Variants in RCL1 observed in about 807,000 individuals in gnomAD.
RCL1 encodes the protein RNA 3'-terminal phosphate cyclase-like protein.
A neutral mutation model predicts 42.4 loss-of-function variants in RCL1; 24 were observed. That is an observed-to-expected ratio of 0.57 (90% CI 0.41 to 0.80). RCL1 has a LOEUF of 0.80. Among genes scored for constraint, RCL1 ranks in the 30% least tolerant of loss-of-function variants. The pLI is 0.00. For missense variants in RCL1, 578 were observed against 467.9 expected, an observed-to-expected ratio of 1.24 and a Z score of -2.17; for synonymous variants, 228 against 177.3, an observed-to-expected ratio of 1.29 and a Z score of -2.27.
intron 5 of RCL1, among the ~76,000 whole-genome samples, chr9:4,835,904 TGA>T (rs1817112364): frequency 6.6e-6 from 1 of 152,048 alleles, no homozygotes; most frequent in Non-Finnish European, 1.5e-5. Flanking sequence ...TATTCTTACT[TGA>T]GAGGGGATGG....
intron 1 of RCL1, among the ~76,000 whole-genome samples, chr9:4,803,015 C>CT (rs763759057): frequency 0.031 from 4,422 of 142,008 alleles, 83 homozygotes; most frequent in African/African-American, 0.045. Flanking sequence ...TTCCTTTTTC[C>CT]TTTTTTTTTT....
Position 4,850,571 on chromosome 9 carries a change from CAG to C in RCL1, c.971+1026_971+1027del, listed in dbSNP as rs1321436673. On this transcript the variant is annotated intron_variant, in intron 8 of 8. Coordinates refer to ENST00000381750, the MANE Select transcript of RCL1 (RefSeq NM_005772.5). ...AATGGAAGAGAATACATTCTGTTAG[CAG>C]AGAGGGAAGACTGATAAGCAGGAAA... 2.2e-5 allele frequency among the ~76,000 whole-genome samples: 3 copies of C among 137,930 alleles called. No homozygotes were observed. In the East Asian group the frequency reaches 6.8e-4, roughly 31 times the overall value. 90.5% of individuals were successfully genotyped at this position (137,930 alleles called of 152,430 possible).
At chr9:4,798,951 G>T (rs1202226740) in intron 1 of RCL1, among the ~76,000 whole-genome samples, 5 of 150,150 alleles carry the variant, frequency 3.3e-5, no homozygotes, top group Non-Finnish European at 7.4e-5. Context: ...GTGTTGTTTG[G>T]AAGCTGTTGT....
intron 3 of RCL1, among the ~76,000 whole-genome samples, chr9:4,827,624 C>T (rs1167796496): frequency 6.6e-6 from 1 of 151,984 alleles, no homozygotes; most frequent in East Asian, 1.9e-4. Context: ...CCAGAGCAAG[C>T]TTTTTATTAA....
At chr9:4,825,190 A>G (rs147667423) in intron 2 of RCL1, among the ~76,000 whole-genome samples, 2 of 151,678 alleles carry the variant, frequency 1.3e-5, no homozygotes, top group Admixed American at 6.6e-5. Flanking sequence ...GCCCAAGTCT[A>G]TTCTTTTCTA....
intron 3 of RCL1, among the ~76,000 whole-genome samples, chr9:4,832,040 A>G (rs1816959546): frequency 6.6e-6 from 1 of 152,194 alleles, no homozygotes; most frequent in Admixed American, 6.5e-5. Context: ...GAAGGGAACA[A>G]GTAATGGAGT....
rs1240141836 is a variant in RCL1 at position 4,823,452 on chromosome 9, C to T, written c.137-96C>T. 6.4e-6 allele frequency: 6 copies of T among 931,848 alleles called. No individual in the cohort carries two copies. In the East Asian group the frequency reaches 1.2e-4, roughly 19 times the overall value. The allele number at this position is 931,848 out of a possible 1,614,324, so 57.7% of individuals were successfully genotyped here. A position where few individuals can be genotyped will look rare whatever the true frequency, so the allele number is the denominator to read the frequency against. ...GATGCAGGAAGTAACCTGCCCTCTA[C>T]CACAGTACCTGAATCAGGCATGTGC... On this transcript the variant is annotated intron_variant, in intron 1 of 8. Coordinates refer to ENST00000381750, the MANE Select transcript of RCL1 (RefSeq NM_005772.5).
intron 3 of RCL1, among the ~76,000 whole-genome samples, chr9:4,831,461 A>G (rs1047554827): frequency 1.3e-5 from 2 of 152,036 alleles, no homozygotes; most frequent in Non-Finnish European, 2.9e-5. Context: ...TGCATATATT[A>G]AGTTTTTGAG....
chr9:4,831,090 A>G (rs1285710375), intron 3 of RCL1, among the ~76,000 whole-genome samples: 1 of 152,178 alleles, frequency 6.6e-6, no homozygotes, highest in East Asian at 1.9e-4. Flanking sequence ...TCTAACAGCC[A>G]GTGAGAGGCA....
chr9:4,843,241 C>T (rs905386485), intron 6 of RCL1, among the ~76,000 whole-genome samples: 2 of 152,020 alleles, frequency 1.3e-5, no homozygotes, highest in African/African-American at 2.4e-5. Flanking sequence ...GTAAGTCAGG[C>T]TTGTTCAGAT....
At chr9:4,828,480 A>T (rs1470979337) in intron 3 of RCL1, among the ~76,000 whole-genome samples, 1 of 152,018 alleles carries the variant, frequency 6.6e-6, no homozygotes, top group African/African-American at 2.4e-5. Flanking sequence ...TGAGTATAGT[A>T]CAAGATCTGA....
chr9:4,801,108 T>C (rs934983939), intron 1 of RCL1, among the ~76,000 whole-genome samples: 10 of 152,236 alleles, frequency 6.6e-5, no homozygotes, highest in African/African-American at 2.4e-4. Context: ...TGACTAATGA[T>C]GTCTTAAGTG....
intron 1 of RCL1, among the ~76,000 whole-genome samples, chr9:4,814,900 G>A (rs74308880): frequency 0.05 from 7,369 of 148,472 alleles, 287 homozygotes; most frequent in African/African-American, 0.1. Flanking sequence ...TTTGGTTGAC[G>A]TTTTTTTTTT....
intron 8 of RCL1, among the ~76,000 whole-genome samples, chr9:4,857,034 A>G (rs1023740676): frequency 7.9e-5 from 12 of 152,222 alleles, no homozygotes; most frequent in Admixed American, 3.3e-4. Flanking sequence ...GAGAACCAGG[A>G]TCAGTTGTTT....
At chr9:4,834,060 T>G (rs1479953452) in intron 4 of RCL1, 81 bp from the exon 5 acceptor site, 4 of 1,496,642 alleles carry the variant, frequency 2.7e-6, no homozygotes, top group East Asian at 2.4e-5. Flanking sequence ...CATCTGCTGG[T>G]GTAAACCTTC....
At position 4,844,517 on chromosome 9, in the gene RCL1, A is replaced by G. The variant is rs746060826; in HGVS notation, c.711-8A>G. The G allele has an allele frequency of 1.6e-5, 26 of 1,605,002 alleles. No individual in the cohort carries two copies. Among genetic ancestry groups the G allele is most frequent in the African/African-American group, 4.0e-5 (3 of 74,474 alleles). On this transcript the variant is annotated splice_region_variant and splice_polypyrimidine_tract_variant and intron_variant, in intron 6 of 8. Coordinates refer to ENST00000381750, the MANE Select transcript of RCL1 (RefSeq NM_005772.5). ...ACCTACTCAGTGTTTGTGCCTTTGTATCTCCAGGTCTCCGGGCTTTGGGTT... is the reference window on the plus strand; with the variant it reads ...ACCTACTCAGTGTTTGTGCCTTTGTGTCTCCAGGTCTCCGGGCTTTGGGTT...
chr9:4,845,439 C>G (rs531469552), intron 7 of RCL1, among the ~76,000 whole-genome samples: 1 of 152,308 alleles, frequency 6.6e-6, no homozygotes, highest in Admixed American at 6.5e-5. Flanking sequence ...TTCATTGCAA[C>G]GGGCACATAT....
chr9:4,822,968 C>G (rs1371215610), intron 1 of RCL1, among the ~76,000 whole-genome samples: 1 of 151,838 alleles, frequency 6.6e-6, no homozygotes, highest in Non-Finnish European at 1.5e-5. Context: ...ATTCAAACAC[C>G]CTTTTAGTAA....
intron 7 of RCL1, among the ~76,000 whole-genome samples, chr9:4,848,987 C>T (rs940329104): frequency 6.6e-6 from 1 of 151,982 alleles, no homozygotes; most frequent in Non-Finnish European, 1.5e-5. Flanking sequence ...ATGAAAAGGC[C>T]GTTTCATGTC....
Sources: gnomAD v4.1 joint callset for allele counts (sites outside exome capture counted in the v4.1 genomes callset) on GRCh38, gnomAD v4.1.1 for gene constraint, MANE v1.5 for transcripts, NCBI Gene and HGNC (gene_info 2026-07-23, HGNC 2026-07-21) for gene names.